MACF1: variants seen among roughly 807,000 people sequenced by gnomAD.
MACF1 encodes the protein microtubule-actin cross-linking factor 1.
In MACF1, 193 loss-of-function variants were observed where a neutral mutation model predicts 854.8. The observed-to-expected ratio is 0.23, with a 90% CI of 0.20 to 0.25. The LOEUF (loss-of-function observed/expected upper bound fraction) is 0.25. Among genes scored for constraint, MACF1 ranks in the 10% least tolerant of loss-of-function variants. The pLI, the probability that MACF1 is intolerant of heterozygous loss-of-function variation, is 1.00. For missense variants in MACF1, 7,722 were observed against 8,929.1 expected, an observed-to-expected ratio of 0.86 and a Z score of 5.45; for synonymous variants, 3,185 against 3,226.7, an observed-to-expected ratio of 0.99 and a Z score of 0.44.
chr1:39,173,355 GAA>G (rs1643980048), intron 2 of MACF1, among the ~76,000 whole-genome samples: 1 of 123,836 alleles, frequency 8.1e-6, no homozygotes, highest in African/African-American at 2.7e-5. Context: ...AAAAAAAAAA[GAA>G]AGAAAGAAAG....
Position 39,395,513 on chromosome 1 carries a change from C to G in MACF1, c.15816+6855C>G, listed in dbSNP as rs371923861. Among the ~76,000 whole-genome samples, 8 of 152,288 alleles carry G rather than the reference C, an allele frequency of 5.3e-5. No homozygotes were observed. In the East Asian group the frequency reaches 1.5e-3, roughly 29 times the overall value. On this transcript the variant is annotated intron_variant, in intron 58 of 100. Transcript: ENST00000564288. The stretch of plus-strand genomic sequence containing the variant: ...GGTCACTTTCCCTGGCTGGAATTTA[C>G]GTACAGTTGTCAGTTGTTGATGCAG...
intron 2 of MACF1, among the ~76,000 whole-genome samples, chr1:39,182,670 T>C (rs1306258131): frequency 3.3e-5 from 5 of 152,314 alleles, no homozygotes; most frequent in African/African-American, 9.6e-5. Context: ...AGATACCACT[T>C]CATACCCACT....
At chr1:39,154,292 T>G (rs1373786448) in intron 2 of MACF1, 1 of 152,172 alleles carries the variant, frequency 6.6e-6, no homozygotes, top group Non-Finnish European at 1.5e-5. Context: ...GGTATGGCCG[T>G]GGACGAGACA....
chr1:39,136,298 C>T (rs1449258933), intron 2 of MACF1, among the ~76,000 whole-genome samples: 1 of 152,168 alleles, frequency 6.6e-6, no homozygotes, highest in Admixed American at 6.5e-5. Context: ...AGACTGCTAT[C>T]CAGCTGTGAT....
At chr1:39,369,524 G>A (rs1649044762) in intron 50 of MACF1, among the ~76,000 whole-genome samples, 1 of 152,180 alleles carries the variant, frequency 6.6e-6, no homozygotes, top group African/African-American at 2.4e-5. Flanking sequence ...ACATCTGTCT[G>A]ATAGATATGG....
At chr1:39,233,797 T>A (rs558583883) in intron 2 of MACF1, among the ~76,000 whole-genome samples, 23 of 78,828 alleles carry the variant, frequency 2.9e-4, no homozygotes, top group East Asian at 1.0e-3. Flanking sequence ...TTTTTTTTTT[T>A]ATTTATTTTT....
chr1:39,477,005 C>T (rs1644897201), intron 97 of MACF1, among the ~76,000 whole-genome samples: 1 of 124,158 alleles, frequency 8.1e-6, no homozygotes, highest in Non-Finnish European at 1.8e-5. Flanking sequence ...GTCCCGTTCT[C>T]CCTCTTAGAT....
chr1:39,432,948 AACAATTT>A, intron 67 of MACF1, 93 bp from the exon 68 acceptor site: 1 of 750,514 alleles, frequency 1.3e-6, no homozygotes, highest in Non-Finnish European at 2.1e-6. Flanking sequence ...ACTGTATAAG[AACAATTT>A]TTGATGTGGC....
In MACF1 at chr1:39,315,671, C is replaced by G; in HGVS notation, c.3429C>G (p.Leu1143=). The G allele has an allele frequency of 6.2e-7, 1 of 1,614,024 alleles. No individual in the cohort carries two copies. Among genetic ancestry groups the G allele is most frequent in the Non-Finnish European group, 8.5e-7 (1 of 1,179,978 alleles). Residue 1143 remains leucine, a synonymous_variant, in exon 27 of 101, where the codon CTC becomes CTG. Coordinates refer to ENST00000564288, the MANE Select transcript of MACF1 (RefSeq NM_001394062.1). ...LVEKMDHVYG[L]STVYLNKLKT... is the part of the protein sequence containing the mutation. ...AGAAGATGGACCATGTCTATGGTCT[C>G]TCTACTGTATATCTGAATAAGTGAG...
At chr1:39,440,117 T>C (rs1259215583) in intron 72 of MACF1, among the ~76,000 whole-genome samples, 1 of 139,020 alleles carries the variant, frequency 7.2e-6, no homozygotes, top group African/African-American at 2.8e-5. Context: ...TTTTCTTTTT[T>C]TTTTTTTTTT....
At chr1:39,274,214 T>A (rs1040639538) in intron 6 of MACF1, among the ~76,000 whole-genome samples, 1 of 151,492 alleles carries the variant, frequency 6.6e-6, no homozygotes, top group Non-Finnish European at 1.5e-5. Context: ...AAGAAAAAAA[T>A]TGTATAAAAA....
intron 51 of MACF1, 27 bp downstream of exon 51, chr1:39,370,213 T>A (rs1002242763): frequency 1.9e-6 from 3 of 1,588,700 alleles, no homozygotes; most frequent in Middle Eastern, 1.7e-4. Flanking sequence ...ACTCCAAGAA[T>A]TGGGCTAGGC....
intron 2 of MACF1, among the ~76,000 whole-genome samples, chr1:39,158,760 G>A (rs532937090): frequency 1.8e-4 from 27 of 152,248 alleles, no homozygotes; most frequent in Non-Finnish European, 2.6e-4. Flanking sequence ...AGGTATTTCC[G>A]CTCACTGGAA....
At chr1:39,175,809 CG>C (rs1263922778) in intron 2 of MACF1, among the ~76,000 whole-genome samples, 2 of 150,676 alleles carry the variant, frequency 1.3e-5, no homozygotes, top group African/African-American at 4.9e-5. Context: ...AAAAATTAGC[CG>C]GGTGTGGCCA....
chr1:39,427,686 C>T (rs1643770030), intron 62 of MACF1, 72 bp downstream of exon 62: 2 of 1,461,604 alleles, frequency 1.4e-6, no homozygotes, highest in South Asian at 2.5e-5. Flanking sequence ...AAACTGCCTG[C>T]AGCATTCTAG....
At chr1:39,362,524 A>G (rs1356385542) in intron 49 of MACF1, among the ~76,000 whole-genome samples, 5 of 152,090 alleles carry the variant, frequency 3.3e-5, no homozygotes, top group African/African-American at 9.7e-5. Context: ...ATGGGCTTCT[A>G]TATTTGTTAT....
At chr1:39,259,325 G>A (rs1002315503) in intron 6 of MACF1, among the ~76,000 whole-genome samples, 3 of 152,066 alleles carry the variant, frequency 2.0e-5, no homozygotes, top group African/African-American at 7.2e-5. Flanking sequence ...GCAATGATGT[G>A]TTCTTGGCTC....
chr1:39,093,390 A>T (rs575283072), intron 2 of MACF1, among the ~76,000 whole-genome samples: 1 of 123,890 alleles, frequency 8.1e-6, no homozygotes. Context: ...ATCTCTGCTC[A>T]TTGCAACCAC....
Position 39,463,703 on chromosome 1 carries a change from G to A in MACF1, c.21753+17G>A, listed in dbSNP as rs745840170. The A allele has an allele frequency of 6.2e-7, 1 of 1,609,052 alleles. No individual in the cohort carries two copies. ...AAATACCGGGTAAGGAAGAGAAAAA[G>A]CAGTCCTTTGTTGTGGTGGTTTCTC... On this transcript the variant is annotated intron_variant, in intron 94 of 100. Coordinates refer to ENST00000564288, the MANE Select transcript of MACF1 (RefSeq NM_001394062.1).
Sources: allele counts gnomAD v4.1 joint callset (sites outside exome capture counted in the v4.1 genomes callset), GRCh38; gene constraint gnomAD v4.1.1; transcripts MANE v1.5; gene names NCBI Gene and HGNC (gene_info 2026-07-23, HGNC 2026-07-21).